Variants in SPEF2 observed in about 807,000 individuals in gnomAD.
SPEF2 encodes the protein sperm flagella and cilia-associated protein 2.
Under a neutral mutation model 224.6 loss-of-function variants are expected in SPEF2, and 187 were observed. The observed-to-expected ratio is 0.83, with a 90% CI of 0.74 to 0.94. The LOEUF (loss-of-function observed/expected upper bound fraction) is 0.94, where lower values mean the gene tolerates loss of function less well. Ranked by LOEUF, SPEF2 falls within the 40% of genes least tolerant of loss-of-function variation. The pLI, the probability that SPEF2 is intolerant of heterozygous loss-of-function variation, is 0.00. For synonymous variants in SPEF2, 715 were observed against 707.3 expected (o/e 1.01, Z -0.17); for missense variants, 2,170 against 2,135.6 (o/e 1.02, Z -0.32).
chr5:35,783,502 T>C (rs1413994031), intron 30 of SPEF2, among the ~76,000 whole-genome samples: 5 of 152,194 alleles, frequency 3.3e-5, no homozygotes, highest in Non-Finnish European at 7.3e-5. Flanking sequence ...ATATAAGCCA[T>C]TGTGACTTGA....
At position 35,712,377 on chromosome 5, in the gene SPEF2, A is replaced by C. The variant is rs1293462927; in HGVS notation, c.2840-435A>C. On this transcript the variant is annotated intron_variant, in intron 19 of 36. Transcript: ENST00000356031. The stretch of plus-strand genomic sequence containing the variant: ...CATCAATAGCCGGGACTACAGGTGC[A>C]TGTCACTGTACCTGGCTTTGGCATC... Among the ~76,000 whole-genome samples, 4 of 152,244 alleles carry C rather than the reference A, an allele frequency of 2.6e-5. No homozygotes were observed. In the South Asian group the frequency reaches 8.3e-4, roughly 32 times the overall value.
At chr5:35,744,045 T>C (rs1748084896) in intron 23 of SPEF2, among the ~76,000 whole-genome samples, 1 of 152,208 alleles carries the variant, frequency 6.6e-6, no homozygotes, top group African/African-American at 2.4e-5. Flanking sequence ...CTTTTTGTCT[T>C]AAATTTGACT....
At chr5:35,661,482 G>A (rs937216863) in intron 8 of SPEF2, among the ~76,000 whole-genome samples, 2 of 151,364 alleles carry the variant, frequency 1.3e-5, no homozygotes, top group Non-Finnish European at 2.9e-5. Flanking sequence ...ATAGGTAAAT[G>A]TGTGTCATGG....
intron 18 of SPEF2, among the ~76,000 whole-genome samples, chr5:35,708,612 C>T (rs371159960): frequency 2.1e-4 from 1 of 4,858 alleles, no homozygotes. Context: ...CAGACTTCAC[C>T]ACCTCTACCT....
intron 6 of SPEF2, among the ~76,000 whole-genome samples, chr5:35,651,190 A>G (rs976583657): frequency 6.6e-6 from 1 of 152,200 alleles, no homozygotes; most frequent in African/African-American, 2.4e-5. Flanking sequence ...ATTCAGTCAC[A>G]TGGCCACACC....
At chr5:35,690,111 A>G (rs1754230731) in intron 10 of SPEF2, among the ~76,000 whole-genome samples, 1 of 152,028 alleles carries the variant, frequency 6.6e-6, no homozygotes, top group Non-Finnish European at 1.5e-5. Context: ...TTTTATTGAT[A>G]CATAATAAAC....
intron 10 of SPEF2, among the ~76,000 whole-genome samples, chr5:35,671,806 T>C (rs1443079474): frequency 6.6e-6 from 1 of 152,020 alleles, no homozygotes; most frequent in South Asian, 2.1e-4. Flanking sequence ...AAACTTTTGT[T>C]AGGAGTTTGT....
At chr5:35,786,544 C>T (rs902568246) in intron 30 of SPEF2, among the ~76,000 whole-genome samples, 2 of 152,116 alleles carry the variant, frequency 1.3e-5, no homozygotes, top group African/African-American at 4.8e-5. Flanking sequence ...CTTGTATTCC[C>T]AACTACTCAA....
At chr5:35,800,376 G>T (rs1313022040) in intron 34 of SPEF2, among the ~76,000 whole-genome samples, 1 of 152,148 alleles carries the variant, frequency 6.6e-6, no homozygotes, top group Non-Finnish European at 1.5e-5. Context: ...TATTCAAAGT[G>T]TCTTGGTGGA....
At chr5:35,674,940 C>T (rs1029460370) in intron 10 of SPEF2, among the ~76,000 whole-genome samples, 3 of 152,018 alleles carry the variant, frequency 2.0e-5, no homozygotes, top group Non-Finnish European at 2.9e-5. Context: ...TGTTTCTTGC[C>T]AAGAAGTCTT....
chr5:35,700,386 T>C (rs1390114143), intron 15 of SPEF2, 110 bp from the exon 16 acceptor site: 3 of 955,588 alleles, frequency 3.1e-6, no homozygotes, highest in Middle Eastern at 2.4e-4. Flanking sequence ...ATGAAATTCA[T>C]GCAGTAGGAA....
In SPEF2 at chr5:35,807,053, T is replaced by C. The variant is rs1758161677; in HGVS notation, c.5257-78T>C. On this transcript the variant is annotated intron_variant, in intron 35 of 36. Transcript: ENST00000356031. ...ATAGTATGAAATTATACAGAATCTC[T>C]TTAGTAAATACAACCATTTTTTTTA... 6 of 1,562,982 alleles carry C rather than the reference T, an allele frequency of 3.8e-6. No individual in the cohort carries two copies. In the African/African-American group the frequency reaches 8.3e-5, roughly 22 times the overall value.
intron 19 of SPEF2, among the ~76,000 whole-genome samples, chr5:35,712,513 C>T (rs942902101): frequency 1.3e-5 from 2 of 152,184 alleles, no homozygotes; most frequent in Non-Finnish European, 2.9e-5. Flanking sequence ...AAAAATGCCA[C>T]AGCTAGTTCC....
intron 20 of SPEF2, among the ~76,000 whole-genome samples, chr5:35,715,294 C>G (rs114786568): frequency 0.019 from 2,854 of 151,962 alleles, 65 homozygotes; most frequent in South Asian, 0.054. Flanking sequence ...TATGTTTTCA[C>G]TCAAAACTCA....
At chr5:35,623,854 C>T (rs1320380140) in intron 1 of SPEF2, among the ~76,000 whole-genome samples, 1 of 152,200 alleles carries the variant, frequency 6.6e-6, no homozygotes, top group African/African-American at 2.4e-5. Flanking sequence ...TAAAAATAAT[C>T]ACTGAGCTTT....
intron 33 of SPEF2, among the ~76,000 whole-genome samples, chr5:35,797,317 GGTGTGTGTGTGTGTGTGT>G (rs3219619): frequency 4.9e-5 from 7 of 142,198 alleles, no homozygotes; most frequent in East Asian, 4.0e-4. Context: ...ATGGCTGACG[GGTGTGTGTGTGTGTGTGT>G]GTGTGTGTGT....
At chr5:35,661,846 T>C (rs1749790870) in intron 8 of SPEF2, among the ~76,000 whole-genome samples, 1 of 152,192 alleles carries the variant, frequency 6.6e-6, no homozygotes, top group Non-Finnish European at 1.5e-5. Context: ...TTTAGGTTGA[T>C]TCCATGTCTT....
At chr5:35,744,043 C>T (rs1356483909) in intron 23 of SPEF2, among the ~76,000 whole-genome samples, 1 of 152,122 alleles carries the variant, frequency 6.6e-6, no homozygotes, top group Non-Finnish European at 1.5e-5. Context: ...TGCTTTTTGT[C>T]TTAAATTTGA....
chr5:35,807,333 C>A, intron 36 of SPEF2, 80 bp downstream of exon 36: 1 of 1,521,110 alleles, frequency 6.6e-7, no homozygotes, highest in South Asian at 1.3e-5. Flanking sequence ...TGTGAGCTGG[C>A]ATGGAAGAGA....
Sources: gnomAD v4.1 joint callset for allele counts (sites outside exome capture counted in the v4.1 genomes callset) on GRCh38, gnomAD v4.1.1 for gene constraint, MANE v1.5 for transcripts, NCBI Gene and HGNC (gene_info 2026-07-23, HGNC 2026-07-21) for gene names.